SSBP3: variants seen among roughly 807,000 people sequenced by gnomAD.
SSBP3 encodes single-stranded DNA-binding protein 3.
Under a neutral mutation model 69.6 loss-of-function variants are expected in SSBP3, and 5 were observed. The ratio of observed to expected loss-of-function variants is 0.07; its 90% CI spans 0.04 to 0.15. The LOEUF (loss-of-function observed/expected upper bound fraction) is 0.15. Among genes scored for constraint, SSBP3 ranks in the 10% least tolerant of loss-of-function variants. The pLI is 1.00. For synonymous variants in SSBP3, 196 were observed against 193.4 expected (o/e 1.01, Z -0.11); for missense variants, 312 against 534.0 (o/e 0.58, Z 4.10).
chr1:54,343,673 C>T (rs1211308617), intron 4 of SSBP3, among the ~76,000 whole-genome samples: 2 of 152,176 alleles, frequency 1.3e-5, no homozygotes, highest in Admixed American at 1.3e-4. Context: ...GAATTTCAGT[C>T]TCCCAGGTAT....
intron 4 of SSBP3, among the ~76,000 whole-genome samples, chr1:54,384,001 G>C (rs1037206087): frequency 6.6e-6 from 1 of 151,926 alleles, no homozygotes; most frequent in African/African-American, 2.4e-5. Flanking sequence ...AGCTACTTGG[G>C]AGGCTGAGGC....
chr1:54,271,708 G>T (rs981699329), intron 5 of SSBP3, among the ~76,000 whole-genome samples: 1 of 152,188 alleles, frequency 6.6e-6, no homozygotes, highest in Non-Finnish European at 1.5e-5. Context: ...CATGTCCCCA[G>T]TCTCTTTCCC....
chr1:54,368,424 G>A (rs1015912293), intron 4 of SSBP3, among the ~76,000 whole-genome samples: 4 of 151,818 alleles, frequency 2.6e-5, no homozygotes, highest in African/African-American at 7.3e-5. Flanking sequence ...TGCAGCCAGG[G>A]AGAAGGGACT....
At chr1:54,244,041 C>T (rs1382709505) in intron 9 of SSBP3, among the ~76,000 whole-genome samples, 2 of 152,160 alleles carry the variant, frequency 1.3e-5, no homozygotes, top group East Asian at 3.9e-4. Flanking sequence ...GCAATCCTCC[C>T]ACCTGAGCCT....
At chr1:54,269,798 G>C (rs566085722) in intron 5 of SSBP3, among the ~76,000 whole-genome samples, 3 of 152,344 alleles carry the variant, frequency 2.0e-5, no homozygotes, top group Admixed American at 2.0e-4. Context: ...CAACAGTGGG[G>C]TGAGGGTAGC....
chr1:54,358,948 T>C lies in SSBP3; in HGVS notation c.276+42913A>G, dbSNP rs1364565752. Among the ~76,000 whole-genome samples, 3 of 152,130 alleles carry C rather than the reference T, an allele frequency of 2.0e-5. No homozygotes were observed. In the East Asian group the frequency reaches 5.8e-4, roughly 29 times the overall value. On this transcript the variant is annotated intron_variant, in intron 4 of 17. Transcript: ENST00000610401. ...AGCAAAGCGGATCACCGCCAGCTCCTGACTCAAGAGCGTCTTCCACCCGCC... is the reference window on the plus strand; with the variant it reads ...AGCAAAGCGGATCACCGCCAGCTCCCGACTCAAGAGCGTCTTCCACCCGCC...
At chr1:54,313,658 G>A (rs1013652416) in intron 4 of SSBP3, among the ~76,000 whole-genome samples, 1 of 152,096 alleles carries the variant, frequency 6.6e-6, no homozygotes, top group African/African-American at 2.4e-5. Flanking sequence ...TGCAGCCGTA[G>A]GCTGCCCATC....
intron 5 of SSBP3, among the ~76,000 whole-genome samples, chr1:54,267,363 T>G (rs1370790831): frequency 6.6e-6 from 1 of 152,210 alleles, no homozygotes; most frequent in African/African-American, 2.4e-5. Context: ...TAGGTCCCAG[T>G]ACCCTGAGCT....
At chr1:54,408,820 GAT>G (rs1649917697), upstream of SSBP3, among the ~76,000 whole-genome samples, 2 of 152,184 alleles carry the variant, frequency 1.3e-5, no homozygotes, top group African/African-American at 2.4e-5. Context: ...AGGGTTCAGA[GAT>G]CCTGTGCCAG....
At chr1:54,315,224 A>G (rs773484968) in intron 4 of SSBP3, among the ~76,000 whole-genome samples, 1 of 152,186 alleles carries the variant, frequency 6.6e-6, no homozygotes, top group Non-Finnish European at 1.5e-5. Context: ...TCTGGGCCAC[A>G]TAACTCTCTC....
intron 4 of SSBP3, among the ~76,000 whole-genome samples, chr1:54,290,377 CAG>C (rs1465105867): frequency 6.6e-6 from 1 of 152,196 alleles, no homozygotes; most frequent in East Asian, 1.9e-4. Context: ...GGCCCAGAGC[CAG>C]AGACACAGCT....
chr1:54,319,961 T>C (rs1009767110), intron 4 of SSBP3, among the ~76,000 whole-genome samples: 2 of 152,130 alleles, frequency 1.3e-5, no homozygotes, highest in Admixed American at 1.3e-4. Context: ...TTTTTCAAGA[T>C]TTGACAGAAG....
At chr1:54,240,047 G>GGTGTGTGTGTGTGTGTGTGTGTGTGT (rs71066910) in intron 13 of SSBP3, among the ~76,000 whole-genome samples, 19 of 77,750 alleles carry the variant, frequency 2.4e-4, no homozygotes, top group Admixed American at 7.7e-4. Flanking sequence ...ATTGTGATGG[G>GGTGTGTGTGTGTGTGTGTGTGTGTGT]GTGTGTGTGT....
At chr1:54,339,315 A>G (rs1322909020) in intron 4 of SSBP3, among the ~76,000 whole-genome samples, 1 of 152,252 alleles carries the variant, frequency 6.6e-6, no homozygotes, top group Non-Finnish European at 1.5e-5. Flanking sequence ...TGCTGGACAG[A>G]TAGCAGATTC....
chr1:54,373,769 G>GAA (rs567212062), intron 4 of SSBP3, among the ~76,000 whole-genome samples: 52 of 104,532 alleles, frequency 5.0e-4, no homozygotes, highest in African/African-American at 1.2e-3. Flanking sequence ...CCTGTTTCAA[G>GAA]AAAAAAAAAA....
intron 4 of SSBP3, among the ~76,000 whole-genome samples, chr1:54,333,004 C>T (rs1569844830): frequency 6.6e-6 from 1 of 152,214 alleles, no homozygotes; most frequent in South Asian, 2.1e-4. Context: ...AGTTCTGCTG[C>T]GCTTGACAAC....
intron 4 of SSBP3, among the ~76,000 whole-genome samples, chr1:54,360,514 T>C (rs10489565): frequency 0.13 from 20,089 of 152,198 alleles, 1,450 homozygotes; most frequent in East Asian, 0.28. Context: ...CCAGTTCTAA[T>C]GTATCTGAAA....
chr1:54,334,748 T>C (rs1427258884), intron 4 of SSBP3, among the ~76,000 whole-genome samples: 1 of 152,224 alleles, frequency 6.6e-6, no homozygotes, highest in Non-Finnish European at 1.5e-5. Context: ...ACATGATACC[T>C]GTGCAGTGAG....
At chr1:54,237,762 T>G in intron 14 of SSBP3, 1 of 194,638 alleles carries the variant, frequency 5.1e-6, no homozygotes, top group South Asian at 1.0e-4. Context: ...ACCAGCACCG[T>G]CTAGACAAAA....
Sources: allele counts gnomAD v4.1 joint callset (sites outside exome capture counted in the v4.1 genomes callset), GRCh38; gene constraint gnomAD v4.1.1; transcripts MANE v1.5; gene names NCBI Gene and HGNC (gene_info 2026-07-23, HGNC 2026-07-21).